The following ACSF3 variants were observed in gnomAD, a reference collection of about 807,000 sequenced individuals.
ACSF3 encodes malonate--CoA ligase ACSF3, mitochondrial.
ACSF3 carries 78 observed loss-of-function variants against 53.2 expected under a neutral mutation model. The ratio of observed to expected loss-of-function variants is 1.47; its 90% CI spans 1.22 to 1.77. The LOEUF (loss-of-function observed/expected upper bound fraction) is 1.77. ACSF3 is among the 40% of genes most tolerant of loss of function. The pLI is 0.00. For synonymous variants in ACSF3, 414 were observed against 333.1 expected (o/e 1.24, Z -2.65); for missense variants, 937 against 771.1 (o/e 1.22, Z -2.55).
intron 4 of ACSF3, among the ~76,000 whole-genome samples, chr16:89,107,561 T>C (rs1195620330): frequency 1.3e-5 from 2 of 152,258 alleles, no homozygotes; most frequent in African/African-American, 4.8e-5. Flanking sequence ...TTGTTCTTTT[T>C]ACGTTGCTGT....
chr16:89,109,907 G>T (rs1976488458), intron 4 of ACSF3, among the ~76,000 whole-genome samples: 1 of 152,142 alleles, frequency 6.6e-6, no homozygotes, highest in Admixed American at 6.5e-5. Context: ...GTTCTTGTTT[G>T]CATCCGTATG....
intron 1 of ACSF3, among the ~76,000 whole-genome samples, chr16:89,095,614 G>C (rs574346384): frequency 1.7e-5 from 1 of 57,862 alleles, no homozygotes; most frequent in Non-Finnish European, 3.6e-5. Context: ...GGGCGGGGGT[G>C]TCAGGTGTGG....
At chr16:89,125,847 G>T (rs111682282) in intron 7 of ACSF3, among the ~76,000 whole-genome samples, 2 of 151,658 alleles carry the variant, frequency 1.3e-5, no homozygotes, top group African/African-American at 4.8e-5. Flanking sequence ...TGAACACGGT[G>T]TGTCTCTCCG....
intron 8 of ACSF3, among the ~76,000 whole-genome samples, chr16:89,133,886 G>A (rs1182700518): frequency 6.6e-6 from 1 of 152,204 alleles, no homozygotes; most frequent in African/African-American, 2.4e-5. Context: ...GCGGTCAGGA[G>A]AGACGGCGGC....
At chr16:89,145,207 T>A (rs1299304105) in intron 8 of ACSF3, 60 bp from the exon 9 acceptor site, 1 of 1,613,654 alleles carries the variant, frequency 6.2e-7, no homozygotes, top group Non-Finnish European at 8.5e-7. Flanking sequence ...GAGCCCCTTT[T>A]CCTCAGGGGA....
chr16:89,125,351 A>AAAT (rs1270313650), intron 7 of ACSF3, among the ~76,000 whole-genome samples: 1 of 151,630 alleles, frequency 6.6e-6, no homozygotes, highest in African/African-American at 2.4e-5. Context: ...CTCAAAAAAA[A>AAAT]AAAAAAAAGA....
intron 4 of ACSF3, among the ~76,000 whole-genome samples, chr16:89,103,121 A>G (rs1023279577): frequency 1.2e-4 from 18 of 152,362 alleles, no homozygotes; most frequent in South Asian, 6.2e-4. Flanking sequence ...TCTCTCTTCA[A>G]AATACCTTCC....
chr16:89,134,103 G>A (rs539833383), intron 8 of ACSF3, among the ~76,000 whole-genome samples: 2 of 152,242 alleles, frequency 1.3e-5, no homozygotes, highest in Admixed American at 6.5e-5. Flanking sequence ...GATAGCGGAC[G>A]TATGTGGATG....
intron 6 of ACSF3, among the ~76,000 whole-genome samples, chr16:89,120,040 C>T (rs1324195670): frequency 6.6e-6 from 1 of 152,266 alleles, no homozygotes; most frequent in Non-Finnish European, 1.5e-5. Flanking sequence ...GCCACATCGC[C>T]AGGGCCGCAC....
chr16:89,116,672 C>T (rs1048747525), intron 6 of ACSF3, among the ~76,000 whole-genome samples: 9 of 152,028 alleles, frequency 5.9e-5, no homozygotes, highest in South Asian at 2.1e-4. Flanking sequence ...GGGCAGTGGG[C>T]GGGTGGGGGC....
Position 89,146,057 on chromosome 16 carries a change from T to TGGGGG in ACSF3, c.1613+11_1613+12insGGGGG. 2.5e-6 allele frequency: 1 copy of TGGGGG among 404,208 alleles called. No homozygotes were observed. The highest frequency in any genetic ancestry group is 5.1e-6 in the Non-Finnish European group (1 of 196,894). The allele number at this position is 404,208 out of a possible 1,614,324, so 25.0% of individuals were successfully genotyped here. A position where few individuals can be genotyped will look rare whatever the true frequency, so the allele number is the denominator to read the frequency against. On this transcript the variant is annotated intron_variant, in intron 10 of 10. Transcript: ENST00000614302. ...GCTCAAAGAGTGGGCCAGGTAGGGC[T>TGGGGG]GGGTGGGGCGGGCAGGGAGCACTCA...
chr16:89,099,260 A>G (rs1190954418), intron 2 of ACSF3, among the ~76,000 whole-genome samples: 1 of 152,212 alleles, frequency 6.6e-6, no homozygotes, highest in African/African-American at 2.4e-5. Flanking sequence ...ACCAGCCCTC[A>G]CGCGTCAGGA....
intron 8 of ACSF3, among the ~76,000 whole-genome samples, chr16:89,137,376 T>G (rs1475846730): frequency 9.2e-6 from 1 of 108,700 alleles, no homozygotes; most frequent in Non-Finnish European, 1.8e-5. Context: ...CGGGGAAGGA[T>G]TGAGGGGAAG....
chr16:89,123,949 A>G (rs1464179274), intron 7 of ACSF3, among the ~76,000 whole-genome samples: 1 of 152,154 alleles, frequency 6.6e-6, no homozygotes, highest in Non-Finnish European at 1.5e-5. Context: ...AGATACACGC[A>G]GTGTGCACAC....
intron 8 of ACSF3, among the ~76,000 whole-genome samples, chr16:89,144,326 T>C (rs1270670727): frequency 6.6e-6 from 1 of 152,214 alleles, no homozygotes. Context: ...TGGCTTTGCC[T>C]TAGGAAGGAA....
chr16:89,121,144 C>A (rs1447616547), intron 7 of ACSF3, among the ~76,000 whole-genome samples: 1 of 152,254 alleles, frequency 6.6e-6, no homozygotes, highest in African/African-American at 2.4e-5. Flanking sequence ...AGAGGGAGCC[C>A]AGGGCGGAAC....
Position 89,098,775 on chromosome 16 carries a change from C to T in ACSF3, c.-21+12C>T, listed in dbSNP as rs773650209. On this transcript the variant is annotated intron_variant, in intron 2 of 10. Transcript: ENST00000614302. ...GGCTCGGGAGCTGGGTGAGTTTGAA[C>T]TTGGCCTCCTTTGCTTTTCTGTGTG... is the stretch of plus-strand genomic sequence containing the variant. 2 of 454,068 alleles carry T rather than the reference C, an allele frequency of 4.4e-6. No homozygotes were observed. Among genetic ancestry groups the T allele is most frequent in the African/African-American group, 4.0e-5 (2 of 50,020 alleles). 28.1% of individuals were successfully genotyped at this position (454,068 alleles called of 1,614,324 possible).
At chr16:89,094,806 G>C (rs1974422136) in intron 1 of ACSF3, among the ~76,000 whole-genome samples, 1 of 152,198 alleles carries the variant, frequency 6.6e-6, no homozygotes, top group Admixed American at 6.5e-5. Context: ...GAGGCACGAG[G>C]ATTTCTTGAG....
chr16:89,151,885 G>A (rs1320764805), intron 10 of ACSF3: 2 of 152,308 alleles, frequency 1.3e-5, no homozygotes, highest in Admixed American at 6.5e-5. Flanking sequence ...GGAATTACAA[G>A]CGTGAGCCAC....
Sources: allele counts gnomAD v4.1 joint callset (sites outside exome capture counted in the v4.1 genomes callset), GRCh38; gene constraint gnomAD v4.1.1; transcripts MANE v1.5; gene names NCBI Gene and HGNC (gene_info 2026-07-23, HGNC 2026-07-21).